Variants in NMD3 observed in about 807,000 individuals in gnomAD.
NMD3 encodes NMD3 ribosome export adaptor.
A neutral mutation model predicts 73.1 loss-of-function variants in NMD3; 47 were observed. The ratio of observed to expected loss-of-function variants is 0.64; its 90% CI spans 0.51 to 0.82. The LOEUF is 0.82. Among genes scored for constraint, NMD3 ranks in the 40% least tolerant of loss-of-function variants. The pLI, the probability that NMD3 is intolerant of heterozygous loss-of-function variation, is 0.00. For missense variants in NMD3, 554 were observed against 612.5 expected (o/e 0.90, Z 1.01); for synonymous variants, 210 against 194.5 (o/e 1.08, Z -0.66).
In NMD3 at chr3:161,242,590, G is replaced by A; in HGVS notation, c.954G>A (p.Val318=). ...CCAAACAGCTAGAGGAGTTTATTGT[G>A]ATGGAATGCAGCATAGTCCAAGATA... ...CHPKQLEEFI[V]MECSIVQDIK... The change falls in exon 11 of 16, where the codon GTG becomes GTA. Residue 318 remains valine, a synonymous_variant. Transcript: ENST00000351193. The A allele has an allele frequency of 6.2e-7, 1 of 1,613,716 alleles. No homozygotes were observed. The highest frequency in any genetic ancestry group is 8.5e-7 in the Non-Finnish European group (1 of 1,179,790).
At chr3:161,237,602 C>G (rs377664847) in intron 7 of NMD3, among the ~76,000 whole-genome samples, 9 of 142,312 alleles carry the variant, frequency 6.3e-5, no homozygotes, top group African/African-American at 2.4e-4. Flanking sequence ...TGCAGTGTTG[C>G]GATCTGGGCT....
chr3:161,227,769 C>A (rs756547470), intron 4 of NMD3, among the ~76,000 whole-genome samples: 1 of 152,170 alleles, frequency 6.6e-6, no homozygotes, highest in East Asian at 1.9e-4. Flanking sequence ...TTAAATGTTA[C>A]TATTGTTGCC....
rs201762806 is a variant in NMD3 at position 161,228,925 on chromosome 3, TTAAAG to T, written c.276+1586_276+1590del. Among the ~76,000 whole-genome samples, 1,359 of 152,190 alleles carry T rather than the reference TTAAAG, an allele frequency of 8.9e-3. 13 individuals are homozygous for T. The highest frequency in any genetic ancestry group is 0.015 in the Admixed American group (231 of 15,282). On this transcript the variant is annotated intron_variant, in intron 4 of 15. Coordinates refer to ENST00000351193, the MANE Select transcript of NMD3 (RefSeq NM_015938.5). ...GAACTGTGCATGGAAGAGTTGAAAT[TTAAAG>T]TAAGGGTGTTTAGGGGAGGGCTCAC...
rs1216274207 is a variant in NMD3, at chr3:161,249,526, A to G, written c.1276A>G (p.Arg426Gly). 1 of 1,610,376 alleles carries G rather than the reference A, an allele frequency of 6.2e-7. No individual in the cohort carries two copies. Among genetic ancestry groups the G allele is most frequent in the African/African-American group, 1.3e-5 (1 of 74,900 alleles). ...AAACTGGAAATTGAAAGAGCTTGCA[A>G]GAGAGAGAGAAAACATGGATACAGA... is the stretch of plus-strand genomic sequence containing the variant. ...RRNWKLKELA[R>G]ERENMDTDDE... Residue 426 changes from arginine to glycine, a missense_variant, in exon 14 of 16, where the codon AGA becomes GGA. Coordinates refer to ENST00000351193, the MANE Select transcript of NMD3 (RefSeq NM_015938.5).
intron 3 of NMD3, among the ~76,000 whole-genome samples, chr3:161,226,034 T>G (rs1286592067): frequency 6.6e-6 from 1 of 152,152 alleles, no homozygotes; most frequent in Admixed American, 6.5e-5. Flanking sequence ...CAGACTTAGT[T>G]TGTCTTGGCT....
At chr3:161,222,560 T>TG (rs1736152095) in intron 2 of NMD3, among the ~76,000 whole-genome samples, 1 of 151,450 alleles carries the variant, frequency 6.6e-6, no homozygotes, top group Non-Finnish European at 1.5e-5. Flanking sequence ...TTATCAATTT[T>TG]TAATTTCTTG....
chr3:161,240,035 G>A (rs1736908359), intron 9 of NMD3, among the ~76,000 whole-genome samples: 1 of 152,142 alleles, frequency 6.6e-6, no homozygotes, highest in South Asian at 2.1e-4. Flanking sequence ...GGCATATTTA[G>A]GCCTTGTGTA....
intron 2 of NMD3, 54 bp downstream of exon 2, chr3:161,222,111 CG>C: frequency 6.9e-7 from 1 of 1,444,780 alleles, no homozygotes; most frequent in Non-Finnish European, 9.7e-7. Flanking sequence ...TCAGTGAGCC[CG>C]GGAAACTCAC....
At chr3:161,242,459 T>G (rs766185862) in intron 10 of NMD3, 49 bp from the exon 11 acceptor site, 16 of 1,536,496 alleles carry the variant, frequency 1.0e-5, no homozygotes, top group Non-Finnish European at 1.4e-5. Flanking sequence ...ATTTGATAAT[T>G]GAAATATATA....
chr3:161,226,803 T>C (rs1434287409), intron 3 of NMD3, among the ~76,000 whole-genome samples: 2 of 152,230 alleles, frequency 1.3e-5, no homozygotes, highest in South Asian at 2.1e-4. Flanking sequence ...TGTAGATGAA[T>C]AGACTGAACT....
chr3:161,230,745 G>A (rs1023126573), intron 4 of NMD3, among the ~76,000 whole-genome samples: 5 of 152,216 alleles, frequency 3.3e-5, no homozygotes, highest in Non-Finnish European at 5.9e-5. Flanking sequence ...ATCTTGATGG[G>A]AGTATGGATA....
intron 9 of NMD3, among the ~76,000 whole-genome samples, chr3:161,240,445 T>G (rs904309933): frequency 2.0e-5 from 3 of 151,970 alleles, no homozygotes; most frequent in Non-Finnish European, 4.4e-5. Context: ...GAATGTACAC[T>G]GTATTAACAT....
At chr3:161,236,273 A>G (rs529711833) in intron 7 of NMD3, among the ~76,000 whole-genome samples, 1 of 152,222 alleles carries the variant, frequency 6.6e-6, no homozygotes, top group South Asian at 2.1e-4. Flanking sequence ...ATAAAAAACT[A>G]CCAAACTGCT....
chr3:161,227,861 G>T (rs1736383646), intron 4 of NMD3, among the ~76,000 whole-genome samples: 1 of 151,956 alleles, frequency 6.6e-6, no homozygotes, highest in African/African-American at 2.4e-5. Flanking sequence ...GCTTTAAAAA[G>T]ACAGAATTTA....
At position 161,240,526 on chromosome 3, in the gene NMD3, A is replaced by ATTTTTTTTTTTTTTTTT. The variant is rs539406360; in HGVS notation, c.754-504_754-503insTTTTTTTTTTTTTTTTT. Among the ~76,000 whole-genome samples, 30 of 111,698 alleles carry ATTTTTTTTTTTTTTTTT rather than the reference A, an allele frequency of 2.7e-4. 3 individuals are homozygous for ATTTTTTTTTTTTTTTTT. Among genetic ancestry groups the ATTTTTTTTTTTTTTTTT allele is most frequent in the African/African-American group, 9.9e-4 (26 of 26,384 alleles). The allele number at this position is 111,698 out of a possible 152,430, so 73.3% of individuals were successfully genotyped here. On this transcript the variant is annotated intron_variant, in intron 9 of 15. Transcript: ENST00000351193. ...AATAGCTTGGTGATTTGGGCCCTGG[A>ATTTTTTTTTTTTTTTTT]TTTTTTTTTTTTTTTTGAGAGACAG...
At position 161,242,493 on chromosome 3, in the gene NMD3, T is replaced by C. The variant is rs1322431072; in HGVS notation, c.872-15T>C. 6.2e-7 allele frequency: 1 copy of C among 1,607,772 alleles called. No individual in the cohort carries two copies. The highest frequency in any genetic ancestry group is 1.3e-5 in the African/African-American group (1 of 74,754). On this transcript the variant is annotated splice_polypyrimidine_tract_variant and intron_variant, in intron 10 of 15. Transcript: ENST00000351193. ...TAATTTTTCTTATGTTTTTGTGTTCTATCCTTATTTTTAGTGGCAGATATT... is the reference window on the plus strand; with the variant it reads ...TAATTTTTCTTATGTTTTTGTGTTCCATCCTTATTTTTAGTGGCAGATATT...
intron 10 of NMD3, among the ~76,000 whole-genome samples, chr3:161,242,299 T>C (rs575145628): frequency 6.6e-6 from 1 of 152,296 alleles, no homozygotes; most frequent in South Asian, 2.1e-4. Flanking sequence ...ATTTAAGATA[T>C]GTTTGACATC....
chr3:161,224,787 G>T, intron 2 of NMD3, 143 bp from the exon 3 acceptor site: 1 of 750,182 alleles, frequency 1.3e-6, no homozygotes, highest in South Asian at 2.1e-5. Flanking sequence ...GGCTGGCCCA[G>T]GTTGCTTTGT....
Position 161,232,314 on chromosome 3 carries a change from G to T in NMD3, c.277-1085G>T, listed in dbSNP as rs567383927. Among the ~76,000 whole-genome samples, 65 of 152,106 alleles carry T rather than the reference G, an allele frequency of 4.3e-4. 1 individual carries two copies. In the South Asian group the frequency reaches 0.012, roughly 29 times the overall value. On this transcript the variant is annotated intron_variant, in intron 4 of 15. Coordinates refer to ENST00000351193, the MANE Select transcript of NMD3 (RefSeq NM_015938.5). ...AATCTTTGCATCTACACTAAAAGTG[G>T]CCAGTCTACTTTTTACCAGACAGTG... is the stretch of plus-strand genomic sequence containing the variant.
Sources: gnomAD v4.1 joint callset for allele counts (sites outside exome capture counted in the v4.1 genomes callset) on GRCh38, gnomAD v4.1.1 for gene constraint, MANE v1.5 for transcripts, NCBI Gene and HGNC (gene_info 2026-07-23, HGNC 2026-07-21) for gene names.